The following NOVA1 variants were observed in gnomAD, a reference collection of about 807,000 sequenced individuals.
NOVA1 encodes RNA-binding protein Nova-1.
In NOVA1, 7 loss-of-function variants were observed where a neutral mutation model predicts 38.0. The ratio of observed to expected loss-of-function variants is 0.18; its 90% CI spans 0.10 to 0.35. NOVA1 has a LOEUF of 0.35. NOVA1 is among the 10% of genes least tolerant of loss of function. The pLI is 1.00. For synonymous variants in NOVA1, 270 were observed against 232.5 expected, an observed-to-expected ratio of 1.16 and a Z score of -1.47; for missense variants, 460 against 616.0, an observed-to-expected ratio of 0.75 and a Z score of 2.68.
chr14:26,530,206 C>G (rs1385586732), intron 2 of NOVA1, among the ~76,000 whole-genome samples: 1 of 152,218 alleles, frequency 6.6e-6, no homozygotes, highest in Admixed American at 6.5e-5. Flanking sequence ...GCGTGAGCCA[C>G]GCGCCCAGCC....
chr14:26,530,769 A>G (rs1224323914), intron 2 of NOVA1, among the ~76,000 whole-genome samples: 1 of 152,176 alleles, frequency 6.6e-6, no homozygotes, highest in Non-Finnish European at 1.5e-5. Context: ...AAAAAAACAT[A>G]AAAAGTATGA....
chr14:26,551,721 A>C (rs1252653959), intron 2 of NOVA1, among the ~76,000 whole-genome samples: 1 of 152,044 alleles, frequency 6.6e-6, no homozygotes, highest in Non-Finnish European at 1.5e-5. Flanking sequence ...CAAAAAATCT[A>C]AATTTGAAGA....
chr14:26,571,708 A>C (rs1768672131), intron 2 of NOVA1, among the ~76,000 whole-genome samples: 1 of 152,226 alleles, frequency 6.6e-6, no homozygotes, highest in African/African-American at 2.4e-5. Context: ...TAAAGCATGC[A>C]ACCTATGAGA....
intron 3 of NOVA1, among the ~76,000 whole-genome samples, chr14:26,473,321 T>A (rs1884734784): frequency 6.6e-6 from 1 of 151,564 alleles, no homozygotes; most frequent in African/African-American, 2.4e-5. Context: ...AGAATTTTTT[T>A]AAGTGTCATA....
At chr14:26,479,515 T>C (rs1485569255) in intron 3 of NOVA1, 1 of 155,314 alleles carries the variant, frequency 6.4e-6, no homozygotes, top group African/African-American at 2.4e-5. Flanking sequence ...TATACATTTT[T>C]TTGATAAAAA....
At chr14:26,575,938 C>T (rs1892812187) in intron 2 of NOVA1, among the ~76,000 whole-genome samples, 1 of 152,020 alleles carries the variant, frequency 6.6e-6, no homozygotes, top group Middle Eastern at 3.4e-3. Context: ...TGAACTCTAT[C>T]AACCAGAATA....
chr14:26,525,700 G>A (rs953891868), intron 2 of NOVA1, among the ~76,000 whole-genome samples: 3 of 151,960 alleles, frequency 2.0e-5, no homozygotes, highest in Non-Finnish European at 2.9e-5. Context: ...ATATTCAACT[G>A]GTCTAAAGCT....
chr14:26,462,347 A>G (rs1169951952), intron 4 of NOVA1, among the ~76,000 whole-genome samples: 1 of 152,142 alleles, frequency 6.6e-6, no homozygotes, highest in Non-Finnish European at 1.5e-5. Context: ...AGTCTCAATG[A>G]ATTAACACTT....
intron 2 of NOVA1, among the ~76,000 whole-genome samples, chr14:26,588,185 G>GT (rs1344791052): frequency 6.8e-6 from 1 of 147,854 alleles, no homozygotes; most frequent in Non-Finnish European, 1.5e-5. Flanking sequence ...CACAAGGAAG[G>GT]TAAAAAAAAA....
intron 2 of NOVA1, among the ~76,000 whole-genome samples, chr14:26,543,002 TA>T (rs1890564248): frequency 6.6e-6 from 1 of 151,866 alleles, no homozygotes; most frequent in Admixed American, 6.6e-5. Flanking sequence ...AGTTAAAAAG[TA>T]ATAATCATAT....
chr14:26,596,800 T>C (rs1894219216), intron 1 of NOVA1: 1 of 1,163,620 alleles, frequency 8.6e-7, no homozygotes, highest in Non-Finnish European at 1.1e-6. Flanking sequence ...AGATTTTGCA[T>C]ACTACTTGTG....
chr14:26,585,171 C>T (rs1412262451), intron 2 of NOVA1, among the ~76,000 whole-genome samples: 1 of 151,296 alleles, frequency 6.6e-6, no homozygotes, highest in African/African-American at 2.4e-5. Context: ...ACAAGAAAAA[C>T]ACTCTTATTT....
intron 2 of NOVA1, among the ~76,000 whole-genome samples, chr14:26,495,113 T>C (rs1232772555): frequency 6.6e-6 from 1 of 152,096 alleles, no homozygotes; most frequent in Non-Finnish European, 1.5e-5. Flanking sequence ...AGGCCTTTTT[T>C]TTCCCACTGA....
chr14:26,568,195 T>C (rs8013715), intron 2 of NOVA1, among the ~76,000 whole-genome samples: 9,086 of 152,302 alleles, frequency 0.06, 772 homozygotes, highest in African/African-American at 0.19. Context: ...TATTAGATCT[T>C]CTTTCTCAAA....
chr14:26,567,559 T>C (rs887021186), intron 2 of NOVA1, among the ~76,000 whole-genome samples: 6 of 152,064 alleles, frequency 3.9e-5, no homozygotes, highest in Admixed American at 2.0e-4. Context: ...AGCTCTCAAA[T>C]TGCTGGAATT....
intron 2 of NOVA1, among the ~76,000 whole-genome samples, chr14:26,489,684 AT>A (rs1566471774): frequency 1.3e-5 from 2 of 151,972 alleles, no homozygotes; most frequent in African/African-American, 4.8e-5. Flanking sequence ...TACTAAAAAA[AT>A]TTTGTTATTT....
At position 26,597,586 on chromosome 14, in the gene NOVA1, AG is replaced by A. The variant is rs1894290833; in HGVS notation, c.-151del. 5 of 1,171,394 alleles carry A rather than the reference AG, an allele frequency of 4.3e-6. No homozygotes were observed. The highest frequency in any genetic ancestry group is 4.1e-6 in the Non-Finnish European group (4 of 967,934). The allele number at this position is 1,171,394 out of a possible 1,614,324, so 72.6% of individuals were successfully genotyped here. On this transcript the variant is annotated 5_prime_UTR_variant, in exon 1 of 5. Coordinates refer to ENST00000539517, the MANE Select transcript of NOVA1 (RefSeq NM_002515.3). Reference sequence around the variant, plus strand: ...TAATCGGATCAATATAAATCTCTTTAGGAAAAAAAGCAATGTTGCTGGTTTG... The same window carrying A: ...TAATCGGATCAATATAAATCTCTTTAGAAAAAAAGCAATGTTGCTGGTTTG...
At chr14:26,553,153 A>G (rs1891266211) in intron 2 of NOVA1, among the ~76,000 whole-genome samples, 1 of 152,210 alleles carries the variant, frequency 6.6e-6, no homozygotes, top group Non-Finnish European at 1.5e-5. Context: ...CAGGTAAAAG[A>G]ACATAATGAG....
chr14:26,518,781 G>A (rs1888660157), intron 2 of NOVA1, among the ~76,000 whole-genome samples: 1 of 151,956 alleles, frequency 6.6e-6, no homozygotes, highest in East Asian at 1.9e-4. Context: ...TTAGATTCAG[G>A]GGGTACATAT....
Sources: allele counts gnomAD v4.1 joint callset (sites outside exome capture counted in the v4.1 genomes callset), GRCh38; gene constraint gnomAD v4.1.1; transcripts MANE v1.5; gene names NCBI Gene and HGNC (gene_info 2026-07-23, HGNC 2026-07-21).